NEMF: variants seen among roughly 807,000 people sequenced by gnomAD.
NEMF encodes the protein nuclear export mediator factor, also known as ribosome quality control complex subunit NEMF.
Under a neutral mutation model 162.2 loss-of-function variants are expected in NEMF, and 89 were observed. The ratio of observed to expected loss-of-function variants is 0.55; its 90% confidence interval spans 0.46 to 0.65. The LOEUF (loss-of-function observed/expected upper bound fraction) is 0.65, where lower values mean the gene tolerates loss of function less well. Among genes scored for constraint, NEMF ranks in the 30% least tolerant of loss-of-function variants. The pLI is 0.00. For missense variants in NEMF, 1,133 were observed against 1,261.9 expected, an observed-to-expected ratio of 0.90 and a Z score of 1.55; for synonymous variants, 421 against 404.5, an observed-to-expected ratio of 1.04 and a Z score of -0.49.
At chr14:49,790,623 A>T (rs1195440558) in intron 26 of NEMF, among the ~76,000 whole-genome samples, 1 of 152,208 alleles carries the variant, frequency 6.6e-6, no homozygotes, top group Non-Finnish European at 1.5e-5. Context: ...ATAAAGGCAA[A>T]CAACATGTAT....
At chr14:49,796,177 C>G (rs187694380) in intron 25 of NEMF, 13 of 568,234 alleles carry the variant, frequency 2.3e-5, no homozygotes, top group Middle Eastern at 2.7e-4. Flanking sequence ...CCAAGCTCAA[C>G]ATATTGTCAC....
intron 3 of NEMF, among the ~76,000 whole-genome samples, chr14:49,848,526 A>G (rs1893621107): frequency 6.6e-6 from 1 of 152,142 alleles, no homozygotes; most frequent in Non-Finnish European, 1.5e-5. Flanking sequence ...ACCAATAAGA[A>G]AGAATGCTTT....
At chr14:49,805,949 C>G in intron 19 of NEMF, 72 bp downstream of exon 19, 13 of 925,378 alleles carry the variant, frequency 1.4e-5, no homozygotes, top group Non-Finnish European at 1.8e-5. Context: ...GCTTTATTTA[C>G]TTCTATACTC....
intron 22 of NEMF, chr14:49,800,994 G>T: frequency 3.2e-6 from 1 of 309,912 alleles, no homozygotes; most frequent in Non-Finnish European, 5.9e-6. Flanking sequence ...AACCAAGACA[G>T]CAAAATTAGT....
intron 16 of NEMF, among the ~76,000 whole-genome samples, chr14:49,824,675 C>T (rs572846921): frequency 2.6e-5 from 4 of 151,950 alleles, no homozygotes; most frequent in Non-Finnish European, 5.9e-5. Flanking sequence ...GAGGTCCACC[C>T]ACCTCACCCT....
chr14:49,821,037 G>A lies in NEMF; in HGVS notation c.1577+4830C>T, dbSNP rs1176204243. On this transcript the variant is annotated intron_variant, in intron 16 of 32. Coordinates refer to ENST00000298310, the MANE Select transcript of NEMF (RefSeq NM_004713.6). Reference sequence around the variant, plus strand: ...ATGTGGGGAGCACCTCTGCCCCGCCGCCCCGTCTGGGATGTGAGGAGCACC... The same window carrying A: ...ATGTGGGGAGCACCTCTGCCCCGCCACCCCGTCTGGGATGTGAGGAGCACC... 2.0e-3 allele frequency among the ~76,000 whole-genome samples: 11 copies of A among 5,488 alleles called. 5 individuals carry two copies. The highest frequency in any genetic ancestry group is 2.1e-3 in the African/African-American group (11 of 5,172). 3.6% of individuals were successfully genotyped at this position (5,488 alleles called of 152,430 possible).
intron 16 of NEMF, among the ~76,000 whole-genome samples, chr14:49,824,305 G>T (rs577084040): frequency 1.3e-5 from 2 of 152,262 alleles, no homozygotes; most frequent in Non-Finnish European, 2.9e-5. Flanking sequence ...AACACTTTGG[G>T]AGGCTGAGGC....
chr14:49,789,497 C>G lies in NEMF; in HGVS notation c.2696G>C (p.Gly899Ala). 1.2e-6 allele frequency: 2 copies of G among 1,612,024 alleles called. No individual in the cohort carries two copies. The highest frequency in any genetic ancestry group is 8.5e-7 in the Non-Finnish European group (1 of 1,179,598). ...AAAATGTTTTTAGATGTTATTTACC[C>G]CCAGCAACTTCATGATAAGTTCACG... Reference protein sequence around the residue: ...EDRELIMKLLGSAGSNKEEKG... With the variant: ...EDRELIMKLLASAGSNKEEKG... Residue 899 changes from glycine to alanine, a missense_variant and splice_region_variant, in exon 27 of 33, where the codon GGG becomes GCG. By Grantham distance (60) the Gly-to-Ala change is moderately conservative (BLOSUM62 0). Coordinates refer to ENST00000298310, the MANE Select transcript of NEMF (RefSeq NM_004713.6).
At chr14:49,845,785 T>C (rs1341811318) in intron 4 of NEMF, among the ~76,000 whole-genome samples, 2 of 152,240 alleles carry the variant, frequency 1.3e-5, no homozygotes, top group Non-Finnish European at 2.9e-5. Context: ...TGCAGTCTGT[T>C]GTTGACTGAA....
Position 49,783,468 on chromosome 14 carries a change from A to G in NEMF, c.*1168T>C, listed in dbSNP as rs1890011275. Reference sequence around the variant, plus strand: ...TTCAGTACTTTGACCTTAATGCTTCAGTGTAGGGGCTGGAGCAAGTGGTCA... The same window carrying G: ...TTCAGTACTTTGACCTTAATGCTTCGGTGTAGGGGCTGGAGCAAGTGGTCA... On this transcript the variant is annotated 3_prime_UTR_variant, in exon 33 of 33. Transcript: ENST00000298310. The G allele has an allele frequency of 6.6e-6, 1 of 152,144 alleles. No homozygotes were observed. Among genetic ancestry groups the G allele is most frequent in the African/African-American group, 2.4e-5 (1 of 41,410 alleles). The allele number at this position is 152,144 out of a possible 1,614,324, so 9.4% of individuals were successfully genotyped here. A position where few individuals can be genotyped will look rare whatever the true frequency, so the allele number is the denominator to read the frequency against.
At chr14:49,794,357 C>T (rs1210547552) in intron 26 of NEMF, among the ~76,000 whole-genome samples, 3 of 151,986 alleles carry the variant, frequency 2.0e-5, no homozygotes, top group Admixed American at 2.0e-4. Flanking sequence ...TTGAGTCTTC[C>T]CTTCCTTATG....
intron 11 of NEMF, among the ~76,000 whole-genome samples, chr14:49,830,931 T>C (rs184195108): frequency 1.9e-4 from 29 of 152,352 alleles, no homozygotes; most frequent in African/African-American, 6.3e-4. Context: ...TGATAAACAA[T>C]ATCCCCTCCT....
intron 18 of NEMF, among the ~76,000 whole-genome samples, chr14:49,813,622 G>T (rs1891580608): frequency 6.6e-6 from 1 of 151,842 alleles, no homozygotes; most frequent in Non-Finnish European, 1.5e-5. Context: ...ACATCTTCTT[G>T]ATAAGACTGA....
rs35010591 is a variant in NEMF at position 49,783,369 on chromosome 14, GT to G, written c.*1266del. ...GTGTTGTAAATACAATATAATAAAGGTTTTTTTTTTTAAACATTAATATTCA... is the reference window on the plus strand; with the variant it reads ...GTGTTGTAAATACAATATAATAAAGGTTTTTTTTTTAAACATTAATATTCA... On this transcript the variant is annotated 3_prime_UTR_variant, in exon 33 of 33. Coordinates refer to ENST00000298310, the MANE Select transcript of NEMF (RefSeq NM_004713.6). The G allele has an allele frequency of 0.84, 125,378 of 150,132 alleles. 52,830 individuals carry two copies. The highest frequency in any genetic ancestry group is 0.93 in the Middle Eastern group (272 of 294). 9.3% of individuals were successfully genotyped at this position (150,132 alleles called of 1,614,324 possible).
rs377431499 is a variant in NEMF, at chr14:49,844,727, G to GCACACA, written c.357+1412_357+1413insTGTGTG. ...TATTTATATACATACACACGCACGC[G>GCACACA]CACGCGCGCGCACACACACACACAC... is the stretch of plus-strand genomic sequence containing the variant. On this transcript the variant is annotated intron_variant, in intron 4 of 32. Coordinates refer to ENST00000298310, the MANE Select transcript of NEMF (RefSeq NM_004713.6). 164 of 146,586 alleles carry GCACACA rather than the reference G, an allele frequency of 1.1e-3. 1 individual carries two copies. Among genetic ancestry groups the GCACACA allele is most frequent in the African/African-American group, 3.1e-3 (113 of 35,928 alleles). The allele number at this position is 146,586 out of a possible 1,614,324, so 9.1% of individuals were successfully genotyped here. A position where few individuals can be genotyped will look rare whatever the true frequency, so the allele number is the denominator to read the frequency against.
chr14:49,820,393 T>TA (rs757904517), intron 16 of NEMF: 133 of 456,498 alleles, frequency 2.9e-4, no homozygotes, highest in Middle Eastern at 6.5e-4. Context: ...TGTCAGCACT[T>TA]ACGCGTTGTC....
chr14:49,795,900 T>A lies in NEMF; in HGVS notation c.2510A>T (p.Glu837Val). 6.2e-7 allele frequency: 1 copy of A among 1,611,716 alleles called. No individual in the cohort carries two copies. The highest frequency in any genetic ancestry group is 8.5e-7 in the Non-Finnish European group (1 of 1,179,078). Residue 837 changes from glutamate to valine, a missense_variant, in exon 26 of 33, where the codon GAA (glutamate) becomes GTA (valine). Glu to Val is a moderately radical substitution (Grantham distance 121). Transcript: ENST00000298310. ...TTCTTTATCCTTTCCCTCTAACGCT[T>A]CTAAATCTCCTGAGTCACTTGGAAG... Reference protein sequence around the residue: ...KKLPSDSGDLEALEGKDKEKE... With the variant: ...KKLPSDSGDLVALEGKDKEKE...
At position 49,840,800 on chromosome 14, in the gene NEMF, C is replaced by G. The variant is rs779417201; in HGVS notation, c.424G>C (p.Ala142Pro). 3.7e-6 allele frequency: 6 copies of G among 1,613,612 alleles called. No individual in the cohort carries two copies. Among genetic ancestry groups the G allele is most frequent in the Non-Finnish European group, 5.1e-6 (6 of 1,179,606 alleles). ...LNILRFRTDE[A>P]DDVKFAVRER... The stretch of plus-strand genomic sequence containing the variant: ...CGAACAGCAAATTTAACATCATCTG[C>G]CTCATCAGTTCGAAACCTTAGAATA... The change falls in exon 5 of 33, where the codon GCA (alanine) becomes CCA (proline). Residue 142 changes from alanine to proline, a missense_variant. By Grantham distance (27) the Ala-to-Pro change is conservative (BLOSUM62 -1). Transcript: ENST00000298310.
At chr14:49,791,193 G>C (rs1890429201) in intron 26 of NEMF, among the ~76,000 whole-genome samples, 2 of 151,678 alleles carry the variant, frequency 1.3e-5, no homozygotes, top group Admixed American at 1.3e-4. Flanking sequence ...AAATTAGCTG[G>C]GTGTGGTGGC....
Sources: gnomAD v4.1 joint callset for allele counts (sites outside exome capture counted in the v4.1 genomes callset) on GRCh38, gnomAD v4.1.1 for gene constraint, MANE v1.5 for transcripts, NCBI Gene and HGNC (gene_info 2026-07-23, HGNC 2026-07-21) for gene names.